PAX3: variants seen among roughly 807,000 people sequenced by gnomAD.
PAX3 encodes the protein paired box protein Pax-3.
Under a neutral mutation model 51.6 loss-of-function variants are expected in PAX3, and 14 were observed. The observed-to-expected ratio is 0.27, with a 90% confidence interval of 0.18 to 0.42. The LOEUF (loss-of-function observed/expected upper bound fraction) is 0.42. Ranked by LOEUF, PAX3 falls within the 10% of genes least tolerant of loss-of-function variation. PAX3 has a pLI of 1.00. For synonymous variants in PAX3, 280 were observed against 253.4 expected (o/e 1.11, Z -1.00); for missense variants, 540 against 642.8 (o/e 0.84, Z 1.73).
intron 4 of PAX3, among the ~76,000 whole-genome samples, chr2:222,238,220 G>A (rs1047352393): frequency 1.3e-5 from 2 of 152,180 alleles, no homozygotes; most frequent in Non-Finnish European, 2.9e-5. Context: ...CCACCAGCGG[G>A]CTAACCATGA....
intron 7 of PAX3, among the ~76,000 whole-genome samples, chr2:222,204,606 A>G (rs1030169131): frequency 1.3e-5 from 2 of 152,180 alleles, no homozygotes; most frequent in African/African-American, 4.8e-5. Flanking sequence ...ACATGAACAT[A>G]AAAACACTTT....
chr2:222,206,189 A>G (rs1691502425), intron 7 of PAX3, among the ~76,000 whole-genome samples: 1 of 151,704 alleles, frequency 6.6e-6, no homozygotes, highest in Non-Finnish European at 1.5e-5. Flanking sequence ...CCTAGTTTTG[A>G]CAAACAATTT....
chr2:222,238,829 G>C (rs1430655), intron 4 of PAX3, among the ~76,000 whole-genome samples: 1 of 152,176 alleles, frequency 6.6e-6, no homozygotes, highest in African/African-American at 2.4e-5. Context: ...GATCACTTAA[G>C]GGTATTTCAC....
chr2:222,204,625 A>AT (rs953273914), intron 7 of PAX3, among the ~76,000 whole-genome samples: 2 of 152,166 alleles, frequency 1.3e-5, no homozygotes, highest in Non-Finnish European at 2.9e-5. Context: ...TTAAAATGTG[A>AT]TTTTTTTAAT....
chr2:222,294,366 G>C, intron 3 of PAX3, 65 bp from the exon 4 acceptor site: 1 of 1,586,426 alleles, frequency 6.3e-7, no homozygotes, highest in Non-Finnish European at 8.6e-7. Flanking sequence ...GGCTGTGCGG[G>C]AAGGACCCCC....
At chr2:222,244,706 G>C (rs926678779) in intron 4 of PAX3, among the ~76,000 whole-genome samples, 1 of 136,700 alleles carries the variant, frequency 7.3e-6, no homozygotes, top group Non-Finnish European at 1.5e-5. Flanking sequence ...AGAAGAACCC[G>C]CCCATAGTCA....
chr2:222,202,332 A>G (rs989421786), intron 7 of PAX3, 142 bp from the exon 8 acceptor site: 2 of 719,256 alleles, frequency 2.8e-6, no homozygotes, highest in Non-Finnish European at 5.0e-6. Context: ...TATGAACCCA[A>G]TTCTAAGTGG....
chr2:222,295,682 G>A, intron 2 of PAX3, 25 bp from the exon 3 acceptor site: 1 of 1,613,692 alleles, frequency 6.2e-7, no homozygotes. Flanking sequence ...GCGGGCAGGC[G>A]TTGGTACCCG....
chr2:222,224,624 C>T (rs1692316438), intron 5 of PAX3, among the ~76,000 whole-genome samples: 1 of 152,006 alleles, frequency 6.6e-6, no homozygotes, highest in Non-Finnish European at 1.5e-5. Context: ...AATACCTGAA[C>T]GAACCAAGCG....
chr2:222,210,644 G>T (rs1691690062), intron 7 of PAX3, among the ~76,000 whole-genome samples: 1 of 152,016 alleles, frequency 6.6e-6, no homozygotes, highest in African/African-American at 2.4e-5. Flanking sequence ...CAAATAAATT[G>T]ATCTTAGTAC....
chr2:222,286,227 C>T (rs753245516), intron 4 of PAX3, among the ~76,000 whole-genome samples: 2 of 152,206 alleles, frequency 1.3e-5, no homozygotes, highest in East Asian at 1.9e-4. Flanking sequence ...CGTGAGCCAC[C>T]GCGCCAGGCG....
At chr2:222,263,359 T>C (rs771511018) in intron 4 of PAX3, 12 of 152,110 alleles carry the variant, frequency 7.9e-5, no homozygotes, top group Non-Finnish European at 1.6e-4. Flanking sequence ...AATAAGGACA[T>C]GAAAAGTTGT....
chr2:222,296,790 T>C (rs999335725), intron 2 of PAX3, among the ~76,000 whole-genome samples, 188 bp downstream of exon 2: 1 of 152,240 alleles, frequency 6.6e-6, no homozygotes, highest in South Asian at 2.1e-4. Context: ...TTTCCCTAAG[T>C]GTTCATCAAG....
chr2:222,284,872 T>C (rs1694779636), intron 4 of PAX3, among the ~76,000 whole-genome samples: 1 of 152,224 alleles, frequency 6.6e-6, no homozygotes, highest in African/African-American at 2.4e-5. Context: ...ATCTTAGAGA[T>C]GTCAAAACTG....
intron 1 of PAX3, among the ~76,000 whole-genome samples, chr2:222,297,840 T>A (rs1012437474): frequency 2.0e-5 from 3 of 152,144 alleles, no homozygotes; most frequent in African/African-American, 7.2e-5. Flanking sequence ...TACTCTAGGC[T>A]GGGTGTGAAG....
At position 222,202,040 on chromosome 2, in the gene PAX3, G is replaced by T. The variant is rs1444946568; in HGVS notation, c.1324C>A (p.Leu442Met). The part of the protein sequence containing the change: ...RLDHMKSLDS[L>M]PTSQSYCPPT... Reference sequence around the variant, plus strand: ...GGACAGTAGGACTGAGATGTTGGCAGACTGTCCAAGCTCTTCATATGGTCT... The same window carrying T: ...GGACAGTAGGACTGAGATGTTGGCATACTGTCCAAGCTCTTCATATGGTCT... Residue 442 changes from leucine to methionine, a missense_variant, in exon 8 of 9, where the codon CTG becomes ATG. Transcript: ENST00000392070. The T allele has an allele frequency of 1.2e-6, 2 of 1,614,008 alleles. No homozygotes were observed. Among genetic ancestry groups the T allele is most frequent in the East Asian group, 4.5e-5 (2 of 44,868 alleles).
intron 7 of PAX3, among the ~76,000 whole-genome samples, chr2:222,215,789 T>A (rs973644052): frequency 6.6e-6 from 1 of 152,128 alleles, no homozygotes; most frequent in Non-Finnish European, 1.5e-5. Flanking sequence ...TATTACCCCA[T>A]GCACTATATT....
chr2:222,246,682 G>A (rs1693242587), intron 4 of PAX3, among the ~76,000 whole-genome samples: 1 of 151,976 alleles, frequency 6.6e-6, no homozygotes, highest in Admixed American at 6.6e-5. Flanking sequence ...TTTTTTCTGT[G>A]TAATTATTAA....
intron 4 of PAX3, chr2:222,242,831 T>C (rs1224860737): frequency 6.6e-6 from 1 of 152,206 alleles, no homozygotes; most frequent in Non-Finnish European, 1.5e-5. Flanking sequence ...TTTACAGAAC[T>C]TTGAATAAGA....
Sources: allele counts gnomAD v4.1 joint callset (sites outside exome capture counted in the v4.1 genomes callset), GRCh38; gene constraint gnomAD v4.1.1; transcripts MANE v1.5; gene names NCBI Gene and HGNC (gene_info 2026-07-23, HGNC 2026-07-21).